The following CHLSN variants were observed in gnomAD, a reference collection of about 807,000 sequenced individuals.
CHLSN encodes the protein cholesin, also known as protein cholesin.
chr7:1,070,037 G>A, the CHLSN span, among the ~76,000 whole-genome samples: 11 of 91,224 alleles, frequency 1.2e-4, no homozygotes, highest in South Asian at 4.3e-4. Context: ...TCTGCCCGGC[G>A]AGACCCCGTC....
chr7:1,096,323 G>A, the CHLSN span, among the ~76,000 whole-genome samples: 3 of 152,170 alleles, frequency 2.0e-5, no homozygotes, highest in Admixed American at 6.5e-5. The surrounding 1 kb of genome is among the most constrained non-coding windows in gnomAD (Gnocchi z 4.6). Context: ...TCACACGAGC[G>A]ACAGGCACCC....
the CHLSN span, among the ~76,000 whole-genome samples, chr7:1,069,237 A>G: frequency 6.6e-6 from 1 of 152,204 alleles, no homozygotes; most frequent in Non-Finnish European, 1.5e-5. Context: ...AGGCTGAGGC[A>G]GGAGAATCGC....
the CHLSN span, among the ~76,000 whole-genome samples, chr7:979,090 T>A: frequency 3.9e-5 from 6 of 152,334 alleles, no homozygotes; most frequent in South Asian, 1.2e-3. Context: ...GCTGCATCAC[T>A]GTTTGGGATC....
the CHLSN span, among the ~76,000 whole-genome samples, chr7:1,129,118 T>C: frequency 0.01 from 88 of 8,610 alleles, 12 homozygotes; most frequent in East Asian, 0.065. Context: ...CACCGTCACC[T>C]GGGCTGGAGT....
the CHLSN span, among the ~76,000 whole-genome samples, chr7:1,110,061 G>A: frequency 6.6e-6 from 1 of 151,890 alleles, no homozygotes. Context: ...GCCCAGACAC[G>A]GAGGCTACGC....
chr7:1,033,645 G>C, the CHLSN span, among the ~76,000 whole-genome samples: 1 of 152,198 alleles, frequency 6.6e-6, no homozygotes, highest in African/African-American at 2.4e-5. Flanking sequence ...ACTGATGCAG[G>C]GGGCATGTGA....
At chr7:1,005,054 GGAGGCC>G in the CHLSN span, among the ~76,000 whole-genome samples, 1 of 152,216 alleles carries the variant, frequency 6.6e-6, no homozygotes, top group Non-Finnish European at 1.5e-5. Context: ...GAGCACTTTG[GGAGGCC>G]GAGGGCGGAT....
chr7:1,064,459 G>A, the CHLSN span, among the ~76,000 whole-genome samples: 4 of 152,160 alleles, frequency 2.6e-5, no homozygotes, highest in Non-Finnish European at 4.4e-5. Flanking sequence ...AAGGAACAGC[G>A]GTGGGGAGCA....
the CHLSN span, among the ~76,000 whole-genome samples, chr7:1,066,352 G>A: frequency 6.6e-6 from 1 of 152,364 alleles, no homozygotes; most frequent in East Asian, 1.9e-4. Flanking sequence ...AGCAGATTTG[G>A]GGCCAGGCTA....
chr7:1,004,197 G>A, the CHLSN span, among the ~76,000 whole-genome samples: 1 of 152,124 alleles, frequency 6.6e-6, no homozygotes, highest in Non-Finnish European at 1.5e-5. Flanking sequence ...GGCCGACCCG[G>A]CCAGCGTGGG....
At chr7:1,085,936 T>C in the CHLSN span, among the ~76,000 whole-genome samples, 1 of 152,200 alleles carries the variant, frequency 6.6e-6, no homozygotes, top group Non-Finnish European at 1.5e-5. Flanking sequence ...AAGTAGGTCT[T>C]GGAGACGGAA....
At chr7:1,062,492 T>C in the CHLSN span, among the ~76,000 whole-genome samples, 1 of 152,150 alleles carries the variant, frequency 6.6e-6, no homozygotes. Context: ...ACGCAAACCA[T>C]GTCTCCACAC....
the CHLSN span, among the ~76,000 whole-genome samples, chr7:1,017,684 T>A: frequency 6.6e-6 from 1 of 152,206 alleles, no homozygotes; most frequent in East Asian, 1.9e-4. Flanking sequence ...TCCAGTGGGA[T>A]CACCCCAACA....
At chr7:1,030,845 T>C in the CHLSN span, among the ~76,000 whole-genome samples, 11 of 152,212 alleles carry the variant, frequency 7.2e-5, no homozygotes, top group Admixed American at 5.2e-4. Context: ...ATGCCTGCTT[T>C]CCCACAGCCC....
the CHLSN span, among the ~76,000 whole-genome samples, chr7:992,190 C>A: frequency 1.5e-5 from 2 of 134,054 alleles, no homozygotes; most frequent in African/African-American, 5.0e-5. Context: ...GCCCCTGTAC[C>A]CCCCCGCCTC....
the CHLSN span, among the ~76,000 whole-genome samples, chr7:995,833 C>T: frequency 1.3e-5 from 2 of 152,236 alleles, no homozygotes; most frequent in Admixed American, 6.5e-5. Context: ...ACACAGCAGG[C>T]CCTGTGTCGT....
chr7:1,043,202 G>C, the CHLSN span, among the ~76,000 whole-genome samples: 1 of 152,018 alleles, frequency 6.6e-6, no homozygotes, highest in East Asian at 1.9e-4. Context: ...CTCCAGCCTG[G>C]GCAACATGAC....
the CHLSN span, among the ~76,000 whole-genome samples, chr7:1,052,524 C>T: frequency 7.6e-4 from 115 of 151,964 alleles, no homozygotes; most frequent in East Asian, 1.7e-3. This position sits in a 1 kb window ranked among gnomAD's most constrained non-coding sequence, Gnocchi z 4.2. Flanking sequence ...CAGGGCCTGG[C>T]GGAAGAAGTG....
At chr7:1,070,581 C>T in the CHLSN span, among the ~76,000 whole-genome samples, 1 of 146,040 alleles carries the variant, frequency 6.8e-6, no homozygotes, top group South Asian at 2.2e-4. Flanking sequence ...CAAACACGCA[C>T]ACACGGACAC....
Sources: gnomAD v4.1 joint callset for allele counts (sites outside exome capture counted in the v4.1 genomes callset) on GRCh38, gnomAD v4.1.1 for gene constraint, Gnocchi (gnomAD v3.1) non-coding constraint, MANE v1.5 for transcripts, NCBI Gene and HGNC (gene_info 2026-07-23, HGNC 2026-07-21) for gene names.